The following COA1 variants were observed in gnomAD, a reference collection of about 807,000 sequenced individuals.
The protein encoded by COA1 is cytochrome c oxidase assembly factor 1, also known as cytochrome c oxidase assembly factor 1 homolog.
Under a neutral mutation model 16.0 loss-of-function variants are expected in COA1, and 13 were observed. That is an observed-to-expected ratio of 0.81 (90% CI 0.53 to 1.29). The LOEUF (loss-of-function observed/expected upper bound fraction) is 1.29. Among genes scored for constraint, COA1 ranks in the 50% most tolerant of loss-of-function variants. The pLI is 0.00. For missense variants in COA1, 179 were observed against 177.0 expected (o/e 1.01, Z -0.06); for synonymous variants, 65 against 65.7 (o/e 0.99, Z 0.05).
intron 1 of COA1, among the ~76,000 whole-genome samples, chr7:43,705,941 C>T (rs1196927201): frequency 6.6e-6 from 1 of 152,086 alleles, no homozygotes; most frequent in Non-Finnish European, 1.5e-5. Flanking sequence ...GCTTCCTCCC[C>T]TTTCAGCCTG....
chr7:43,614,373 A>C (rs1313369449), intron 6 of COA1, among the ~76,000 whole-genome samples: 1 of 152,204 alleles, frequency 6.6e-6, no homozygotes. Flanking sequence ...TTTAAATAGA[A>C]CTAGATTTTG....
At chr7:43,642,793 A>G (rs1393571389) in intron 4 of COA1, among the ~76,000 whole-genome samples, 1 of 152,230 alleles carries the variant, frequency 6.6e-6, no homozygotes. Flanking sequence ...ACTATCTCAC[A>G]CACATACTTG....
At chr7:43,694,299 A>G (rs546858955) in intron 1 of COA1, among the ~76,000 whole-genome samples, 1 of 150,712 alleles carries the variant, frequency 6.6e-6, no homozygotes, top group African/African-American at 2.4e-5. Flanking sequence ...ATCTTCCTTC[A>G]GCAATGGTCC....
At chr7:43,693,240 A>T (rs2094431798) in intron 1 of COA1, among the ~76,000 whole-genome samples, 2 of 152,122 alleles carry the variant, frequency 1.3e-5, no homozygotes, top group Non-Finnish European at 2.9e-5. Flanking sequence ...CTAAGATCCC[A>T]GCTTCAAGTC....
chr7:43,623,961 G>T (rs2084208154), intron 6 of COA1: 1 of 1,122,792 alleles, frequency 8.9e-7, no homozygotes, highest in Non-Finnish European at 1.1e-6. Context: ...AAAACTGACA[G>T]TTTTTTCTTG....
intron 6 of COA1, among the ~76,000 whole-genome samples, chr7:43,612,966 C>G (rs2083013022): frequency 6.6e-6 from 1 of 152,038 alleles, no homozygotes; most frequent in Non-Finnish European, 1.5e-5. Context: ...AAACAACAAC[C>G]CTGGCAAAGT....
chr7:43,714,214 A>T (rs781306776), intron 1 of COA1, among the ~76,000 whole-genome samples: 2 of 152,040 alleles, frequency 1.3e-5, no homozygotes, highest in Non-Finnish European at 2.9e-5. Flanking sequence ...AAAAATAAAT[A>T]GTGAATCATC....
rs1287369425 is a variant in COA1 at position 43,608,645 on chromosome 7, C to G, written c.*984G>C. ...GAAAGGAACTCAAAATATGATAAGA[C>G]AGAACTTGAGCTAGATCTTTTGAAA... On this transcript the variant is annotated 3_prime_UTR_variant and NMD_transcript_variant, in exon 7 of 7. Coordinates refer to the COA1 transcript ENST00000415076. 29 of 329,270 alleles carry G rather than the reference C, an allele frequency of 8.8e-5. No individual in the cohort carries two copies. The East Asian group carries it at 1.4e-3, about 16-fold the overall frequency. 20.4% of individuals were successfully genotyped at this position (329,270 alleles called of 1,614,324 possible).
chr7:43,708,319 G>C (rs191543581), intron 1 of COA1, among the ~76,000 whole-genome samples: 1 of 152,238 alleles, frequency 6.6e-6, no homozygotes, highest in African/African-American at 2.4e-5. Flanking sequence ...AAGTTAGCTG[G>C]GTGTGGTGGC....
At chr7:43,651,270 G>C (rs1484009587) in intron 1 of COA1, among the ~76,000 whole-genome samples, 3 of 152,118 alleles carry the variant, frequency 2.0e-5, no homozygotes, top group Non-Finnish European at 4.4e-5. Flanking sequence ...TTAACTGTTC[G>C]CCAAAAGGCA....
chr7:43,718,631 A>G (rs1223095694), intron 1 of COA1, among the ~76,000 whole-genome samples: 1 of 152,202 alleles, frequency 6.6e-6, no homozygotes, highest in Non-Finnish European at 1.5e-5. Flanking sequence ...TCCCAAGGTG[A>G]ATAGTATGCA....
At chr7:43,665,456 A>ATTT (rs1563307471) in intron 1 of COA1, among the ~76,000 whole-genome samples, 1 of 152,230 alleles carries the variant, frequency 6.6e-6, no homozygotes, top group Admixed American at 6.5e-5. Flanking sequence ...TGCTTAGGTA[A>ATTT]ACATTCACAT....
At chr7:43,713,591 G>A (rs199643392) in intron 1 of COA1, among the ~76,000 whole-genome samples, 1 of 152,142 alleles carries the variant, frequency 6.6e-6, no homozygotes, top group East Asian at 1.9e-4. Flanking sequence ...TGTAATTGGG[G>A]TAGGAGATTG....
At chr7:43,665,845 A>T (rs1459096893) in intron 1 of COA1, 2 of 152,132 alleles carry the variant, frequency 1.3e-5, no homozygotes, top group Non-Finnish European at 2.9e-5. Flanking sequence ...TGCCACCATG[A>T]TCCAATCACC....
At chr7:43,644,821 G>GAGAGAGAGAGAC (rs2088740807) in intron 4 of COA1, among the ~76,000 whole-genome samples, 1 of 151,042 alleles carries the variant, frequency 6.6e-6, no homozygotes, top group African/African-American at 2.4e-5. Context: ...GAGAGAGAGA[G>GAGAGAGAGAGAC]AGAGAGAGAG....
intron 1 of COA1, among the ~76,000 whole-genome samples, chr7:43,714,805 C>T (rs945584664): frequency 5.3e-5 from 8 of 151,846 alleles, no homozygotes; most frequent in South Asian, 2.1e-4. Flanking sequence ...GCCAGGAGTT[C>T]GAGACCAGCC....
chr7:43,621,507 T>G (rs1423959586), intron 6 of COA1, among the ~76,000 whole-genome samples: 1 of 152,220 alleles, frequency 6.6e-6, no homozygotes, highest in Non-Finnish European at 1.5e-5. Flanking sequence ...TGAGAGAGTC[T>G]CACTCTGCCA....
Position 43,644,766 on chromosome 7 carries a change from G to GATGGATAGATAGATAGATAGA in COA1, c.264+484_264+485insTCTATCTATCTATCTATCCAT, listed in dbSNP as rs1563228993. Among the ~76,000 whole-genome samples, 3 of 80,686 alleles carry GATGGATAGATAGATAGATAGA rather than the reference G, an allele frequency of 3.7e-5. No individual in the cohort carries two copies. The East Asian group carries it at 7.4e-4, about 20-fold the overall frequency. 52.9% of individuals were successfully genotyped at this position (80,686 alleles called of 152,430 possible). The stretch of plus-strand genomic sequence containing the variant: ...GATAGATAGATAGATAGATAGGCAG[G>GATGGATAGATAGATAGATAGA]CAGGCAGGCAGGCAGGCAGGCAGGC... On this transcript the variant is annotated intron_variant, in intron 4 of 5. Coordinates refer to ENST00000223336, the MANE Select transcript of COA1 (RefSeq NM_018224.4).
intron 6 of COA1, among the ~76,000 whole-genome samples, chr7:43,612,846 T>G (rs2082999369): frequency 6.6e-6 from 1 of 151,622 alleles, no homozygotes. Flanking sequence ...GATTTAGGAG[T>G]CTGTAAAAGT....
Sources: allele counts gnomAD v4.1 joint callset (sites outside exome capture counted in the v4.1 genomes callset), GRCh38; gene constraint gnomAD v4.1.1; transcripts MANE v1.5; gene names NCBI Gene and HGNC (gene_info 2026-07-23, HGNC 2026-07-21).